The following PLAGL1 variants were observed in gnomAD, a reference collection of about 807,000 sequenced individuals.
PLAGL1 encodes the protein PLAG1 like zinc finger 1.
In PLAGL1, 1 loss-of-function variant was observed where a neutral mutation model predicts 4.6. The ratio of observed to expected loss-of-function variants is 0.22; its 90% CI spans 0.08 to 1.03. The LOEUF (loss-of-function observed/expected upper bound fraction) is 1.03, where lower values mean the gene tolerates loss of function less well. PLAGL1 is among the 50% of genes least tolerant of loss of function. The pLI is 0.58. For missense variants in PLAGL1, 464 were observed against 570.4 expected (o/e 0.81, Z 1.90); for synonymous variants, 240 against 237.8 (o/e 1.01, Z -0.08).
intron 2 of PLAGL1, among the ~76,000 whole-genome samples, chr6:143,980,198 G>A (rs1171808185): frequency 6.6e-6 from 1 of 151,996 alleles, no homozygotes; most frequent in African/African-American, 2.4e-5. Context: ...TTTTCTTCAT[G>A]TTTTTGTGCT....
rs79782191 is a variant in PLAGL1 at position 143,964,494 on chromosome 6, T to G, written c.-399+293A>C. ...GAAAACAGTAATGCTTCTTGCATAG[T>G]TGACACTCTGAGGTGAAATGCAGAC... On this transcript the variant is annotated intron_variant, in intron 5 of 7. Coordinates refer to ENST00000674357, the MANE Select transcript of PLAGL1 (RefSeq NM_001317162.2). The surrounding 1 kb of genome is among the most constrained non-coding windows in gnomAD (Gnocchi z 4.3). Among the ~76,000 whole-genome samples the G allele has an allele frequency of 1.9e-3, 293 of 152,328 alleles. 4 individuals carry two copies. The highest frequency in any genetic ancestry group is 0.014 in the East Asian group (71 of 5,178).
Position 143,947,596 on chromosome 6 carries a change from C to T in PLAGL1, c.152+389G>A, listed in dbSNP as rs548851628. ...ACCTCCTCTCTGCCTCCTCCTCTTTCATTGTGTCACAGCTTAAAGATTGTC... is the reference window on the plus strand; with the variant it reads ...ACCTCCTCTCTGCCTCCTCCTCTTTTATTGTGTCACAGCTTAAAGATTGTC... On this transcript the variant is annotated intron_variant, in intron 7 of 7. Transcript: ENST00000674357. This position sits in a 1 kb window ranked among gnomAD's most constrained non-coding sequence, Gnocchi z 4.3. Among the ~76,000 whole-genome samples the T allele has an allele frequency of 1.3e-5, 2 of 152,324 alleles. No homozygotes were observed. The highest frequency in any genetic ancestry group is 4.8e-5 in the African/African-American group (2 of 41,572).
Position 143,941,725 on chromosome 6 carries a change from T to A in PLAGL1, c.1091A>T (p.Glu364Val). 1 of 1,614,238 alleles carries A rather than the reference T, an allele frequency of 6.2e-7. No homozygotes were observed. The highest frequency in any genetic ancestry group is 8.5e-7 in the Non-Finnish European group (1 of 1,180,032). The part of the protein sequence containing the change: ...GNAGKVNLPK[E>V]LPADAVNLTI... The stretch of plus-strand genomic sequence containing the variant: ...TAGGTTCACAGCATCTGCAGGCAGC[T>A]CCTTGGGCAGGTTTACTTTACCAGC... Residue 364 changes from glutamate to valine, a missense_variant, in exon 8 of 8, where the codon GAG (glutamate) becomes GTG (valine). By Grantham distance (121) the Glu-to-Val change is moderately radical (BLOSUM62 -2). Transcript: ENST00000674357. The surrounding 1 kb of genome is among the most constrained non-coding windows in gnomAD (Gnocchi z 6.0).
intron 1 of PLAGL1, among the ~76,000 whole-genome samples, chr6:143,987,436 G>GATTTTT (rs1789451407): frequency 3.1e-5 from 1 of 32,210 alleles, no homozygotes; most frequent in Non-Finnish European, 8.6e-5. Flanking sequence ...CACCACACTG[G>GATTTTT]CTTTTTTTTT....
rs1385487674 is a variant in PLAGL1, at chr6:144,063,393, T to C, written c.-151+1075A>G. Among the ~76,000 whole-genome samples the C allele has an allele frequency of 6.6e-6, 1 of 152,054 alleles. No individual in the cohort carries two copies. Among genetic ancestry groups the C allele is most frequent in the Non-Finnish European group, 1.5e-5 (1 of 68,012 alleles). ...CCCCAGCCATATCCCCGGGGCAGCT[T>C]TTACAAAAAGTCTCACGCCAGGGCT... On this transcript the variant is annotated intron_variant, in intron 1 of 3. Transcript: ENST00000437412. This position sits in a 1 kb window ranked among gnomAD's most constrained non-coding sequence, Gnocchi z 5.7.
intron 1 of PLAGL1, among the ~76,000 whole-genome samples, chr6:143,996,626 T>TTC (rs1336267318): frequency 2.6e-5 from 4 of 151,406 alleles, no homozygotes; most frequent in African/African-American, 9.7e-5. Context: ...TTTTTTTTTT[T>TTC]TTTTTCTGAC....
In PLAGL1 at chr6:143,949,192, G is replaced by A. The variant is rs2268442; in HGVS notation, c.-324-732C>T. 0.33 allele frequency among the ~76,000 whole-genome samples: 50,485 copies of A among 151,940 alleles called. 9,245 individuals carry two copies. The highest frequency in any genetic ancestry group is 0.41 in the Non-Finnish European group (27,928 of 67,930). On this transcript the variant is annotated intron_variant, in intron 6 of 7. Transcript: ENST00000674357. This position sits in a 1 kb window ranked among gnomAD's most constrained non-coding sequence, Gnocchi z 5.3. ...TTCATTCCCTGGCCCTACCCTGGAG[G>A]GCCCATCCAGCTACCTGCTGGTAGG...
At position 143,990,535 on chromosome 6, in the gene PLAGL1, C is replaced by T. The variant is rs1191919147; in HGVS notation, c.-583-5361G>A. Among the ~76,000 whole-genome samples the T allele has an allele frequency of 6.6e-6, 1 of 152,178 alleles. No homozygotes were observed. The highest frequency in any genetic ancestry group is 6.5e-5 in the Admixed American group (1 of 15,286). ...CAGAAAACTTAGATAATCCCCATTT[C>T]CTTACCTCCCACTCACTTTCCAACC... On this transcript the variant is annotated intron_variant, in intron 1 of 7. Coordinates refer to ENST00000674357, the MANE Select transcript of PLAGL1 (RefSeq NM_001317162.2). The surrounding 1 kb of genome is among the most constrained non-coding windows in gnomAD (Gnocchi z 5.4).
Position 143,975,736 on chromosome 6 carries a change from C to T in PLAGL1, c.-543-6758G>A, listed in dbSNP as rs1786373991. On this transcript the variant is annotated intron_variant, in intron 2 of 7. Coordinates refer to ENST00000674357, the MANE Select transcript of PLAGL1 (RefSeq NM_001317162.2). This position sits in a 1 kb window ranked among gnomAD's most constrained non-coding sequence, Gnocchi z 5.8. ...GAAGCTACTTTACAAAACAGAAACA[C>T]TAATTGAAGTGTCGTTTTAAAAGGC... Among the ~76,000 whole-genome samples the T allele has an allele frequency of 6.6e-6, 1 of 152,176 alleles. No homozygotes were observed. Among genetic ancestry groups the T allele is most frequent in the African/African-American group, 2.4e-5 (1 of 41,438 alleles).
At chr6:144,001,518 G>A (rs965448756) in intron 1 of PLAGL1, among the ~76,000 whole-genome samples, 3 of 152,098 alleles carry the variant, frequency 2.0e-5, no homozygotes, top group African/African-American at 7.2e-5. Flanking sequence ...AAACTTTAAA[G>A]AGAAATAGAA....
chr6:144,016,261 A>T lies in PLAGL1; in HGVS notation c.-150-47283T>A, dbSNP rs1025229909. Among the ~76,000 whole-genome samples, 6 of 152,226 alleles carry T rather than the reference A, an allele frequency of 3.9e-5. No individual in the cohort carries two copies. Among genetic ancestry groups the T allele is most frequent in the Non-Finnish European group, 8.8e-5 (6 of 68,042 alleles). ...TGAAGAACTTGGAGTCTGATGTTAGAGGGCAGGAAGCATCCAGCATGGGAG... is the reference window on the plus strand; with the variant it reads ...TGAAGAACTTGGAGTCTGATGTTAGTGGGCAGGAAGCATCCAGCATGGGAG... On this transcript the variant is annotated intron_variant, in intron 1 of 3. Transcript: ENST00000437412. The surrounding 1 kb of genome is among the most constrained non-coding windows in gnomAD (Gnocchi z 4.2).
rs1222199414 is a variant in PLAGL1, at chr6:143,942,159, T to C, written c.657A>G (p.Gly219=). 1.9e-6 allele frequency: 3 copies of C among 1,614,094 alleles called. No homozygotes were observed. Among genetic ancestry groups the C allele is most frequent in the Admixed American group, 1.7e-5 (1 of 60,002 alleles). The part of the protein sequence containing the change: ...QELMKESLQT[G]DLLSTFHTIS... ...TGGTGTGGAAGGTGCTCAGAAGGTC[T>C]CCGGTCTGCAAGCTCTCTTTCATCA... The change falls in exon 8 of 8, where the codon GGA becomes GGG. Residue 219 remains glycine, a synonymous_variant. Transcript: ENST00000674357. This position sits in a 1 kb window ranked among gnomAD's most constrained non-coding sequence, Gnocchi z 7.6.
At chr6:144,024,596 T>G (rs978842098) in intron 1 of PLAGL1, among the ~76,000 whole-genome samples, 1 of 152,234 alleles carries the variant, frequency 6.6e-6, no homozygotes, top group Non-Finnish European at 1.5e-5. Context: ...GTGAGTCAAT[T>G]AAATCTCTTT....
At chr6:143,999,929 T>C (rs1001260409) in intron 1 of PLAGL1, among the ~76,000 whole-genome samples, 2 of 152,150 alleles carry the variant, frequency 1.3e-5, no homozygotes, top group African/African-American at 4.8e-5. Flanking sequence ...CAACCTTATA[T>C]GGTAGACAGT....
Position 143,975,921 on chromosome 6 carries a change from ATC to A in PLAGL1, c.-543-6945_-543-6944del, listed in dbSNP as rs1424272281. On this transcript the variant is annotated intron_variant, in intron 2 of 7. Coordinates refer to ENST00000674357, the MANE Select transcript of PLAGL1 (RefSeq NM_001317162.2). The surrounding 1 kb of genome is among the most constrained non-coding windows in gnomAD (Gnocchi z 5.8). The stretch of plus-strand genomic sequence containing the variant: ...TGAAGAGAAAAATACACACAGGGAT[ATC>A]TGTTGTCTGTAGATAGTGCTTTCAT... 6.6e-6 allele frequency among the ~76,000 whole-genome samples: 1 copy of A among 152,244 alleles called. No homozygotes were observed. Among genetic ancestry groups the A allele is most frequent in the Non-Finnish European group, 1.5e-5 (1 of 68,040 alleles).
Position 143,985,897 on chromosome 6 carries a change from A to ATGTGTG in PLAGL1, c.-583-729_-583-724dup, listed in dbSNP as rs55710387. Among the ~76,000 whole-genome samples the ATGTGTG allele has an allele frequency of 1.6e-4, 23 of 140,042 alleles. No individual in the cohort carries two copies. Among genetic ancestry groups the ATGTGTG allele is most frequent in the Non-Finnish European group, 2.9e-4 (19 of 65,254 alleles). The allele number at this position is 140,042 out of a possible 152,430, so 91.9% of individuals were successfully genotyped here. ...GCCAAGCTACATATTATATATTATT[A>ATGTGTG]TGTGTGTGTGTGTGTGTGTGTATAC... On this transcript the variant is annotated intron_variant, in intron 1 of 7. Coordinates refer to ENST00000674357, the MANE Select transcript of PLAGL1 (RefSeq NM_001317162.2). The surrounding 1 kb of genome is among the most constrained non-coding windows in gnomAD (Gnocchi z 4.4).
chr6:143,977,055 T>G (rs1256449788), intron 2 of PLAGL1, among the ~76,000 whole-genome samples: 2 of 151,822 alleles, frequency 1.3e-5, no homozygotes, highest in African/African-American at 4.8e-5. Context: ...AAATTGAGCC[T>G]GTTACAGCAA....
chr6:143,968,507 C>T lies in PLAGL1; in HGVS notation c.-472+400G>A, dbSNP rs1784850322. 6.6e-6 allele frequency: 1 copy of T among 151,876 alleles called. No homozygotes were observed. The highest frequency in any genetic ancestry group is 1.5e-5 in the Non-Finnish European group (1 of 67,964). 9.4% of individuals were successfully genotyped at this position (151,876 alleles called of 1,614,324 possible). A position where few individuals can be genotyped will look rare whatever the true frequency, so the allele number is the denominator to read the frequency against. On this transcript the variant is annotated intron_variant, in intron 3 of 7. Transcript: ENST00000674357. This position sits in a 1 kb window ranked among gnomAD's most constrained non-coding sequence, Gnocchi z 6.3. ...TCTTTAAGATAAAACCATTTAAAAA[C>T]ATCTTTTTAAAATATAACAGAAAGA...
At chr6:143,988,919 A>G (rs770585434) in intron 1 of PLAGL1, among the ~76,000 whole-genome samples, 1 of 152,148 alleles carries the variant, frequency 6.6e-6, no homozygotes, top group Admixed American at 6.5e-5. Context: ...GTTTCAACAC[A>G]TGGCTTTTGG....
Sources: gnomAD v4.1 joint callset for allele counts (sites outside exome capture counted in the v4.1 genomes callset) on GRCh38, gnomAD v4.1.1 for gene constraint, Gnocchi (gnomAD v3.1) non-coding constraint, MANE v1.5 for transcripts, NCBI Gene and HGNC (gene_info 2026-07-23, HGNC 2026-07-21) for gene names.